Variants in EML4 observed in about 807,000 individuals in gnomAD.
EML4 encodes echinoderm microtubule-associated protein-like 4.
Under a neutral mutation model 129.0 loss-of-function variants are expected in EML4, and 72 were observed. That is an observed-to-expected ratio of 0.56 (90% CI 0.46 to 0.68). The LOEUF is 0.68. Ranked by LOEUF, EML4 falls within the 30% of genes least tolerant of loss-of-function variation. The pLI is 0.00. For missense variants in EML4, 1,363 were observed against 1,190.6 expected, an observed-to-expected ratio of 1.14 and a Z score of -2.13; for synonymous variants, 532 against 405.0, an observed-to-expected ratio of 1.31 and a Z score of -3.77.
chr2:42,254,855 A>G (rs1194982121), intron 2 of EML4, among the ~76,000 whole-genome samples: 3 of 152,204 alleles, frequency 2.0e-5, no homozygotes, highest in Admixed American at 1.3e-4. Flanking sequence ...TGGCAGCACT[A>G]TTCCCATTAG....
intron 1 of EML4, among the ~76,000 whole-genome samples, chr2:42,180,143 G>GTA (rs1351864335): frequency 2.6e-5 from 4 of 152,078 alleles, no homozygotes; most frequent in Non-Finnish European, 2.9e-5. Flanking sequence ...ATACTTCATA[G>GTA]TATGGCATTA....
chr2:42,226,690 TA>T (rs1673985793), intron 1 of EML4, among the ~76,000 whole-genome samples: 2 of 151,838 alleles, frequency 1.3e-5, no homozygotes. Context: ...ATAAATAAAA[TA>T]AATTACATAC....
intron 1 of EML4, among the ~76,000 whole-genome samples, chr2:42,200,153 C>CAAAAAAAAAAA (rs11421705): frequency 8.3e-5 from 7 of 84,410 alleles, no homozygotes; most frequent in South Asian, 4.6e-4. Context: ...ACTAAAAATA[C>CAAAAAAAAAAA]AAAAAAAAAA....
chr2:42,243,334 T>A (rs1675163823), intron 1 of EML4, among the ~76,000 whole-genome samples: 1 of 151,538 alleles, frequency 6.6e-6, no homozygotes, highest in Non-Finnish European at 1.5e-5. Flanking sequence ...TCAGCTAGAA[T>A]TCAGCTAGAC....
Position 42,332,323 on chromosome 2 carries a change from A to G in EML4, c.*2116A>G, listed in dbSNP as rs1451636023. On this transcript the variant is annotated 3_prime_UTR_variant, in exon 23 of 23. Transcript: ENST00000318522. ...CTAATACGCAGGAAGCGTTCCAGCT[A>G]TTTAATGCTGGCAACTACTGTTTAA... 4.7e-6 allele frequency: 1 copy of G among 210,834 alleles called. No homozygotes were observed. The highest frequency in any genetic ancestry group is 2.3e-5 in the African/African-American group (1 of 43,974). The allele number at this position is 210,834 out of a possible 1,614,324, so 13.1% of individuals were successfully genotyped here. A position where few individuals can be genotyped will look rare whatever the true frequency, so the allele number is the denominator to read the frequency against.
chr2:42,305,434 TCTC>T (rs1668540640), intron 17 of EML4, among the ~76,000 whole-genome samples: 1 of 152,288 alleles, frequency 6.6e-6, no homozygotes, highest in South Asian at 2.1e-4. Context: ...AGAAAATTTC[TCTC>T]CTCATCTTTT....
intron 21 of EML4, among the ~76,000 whole-genome samples, chr2:42,326,467 A>C (rs1050621400): frequency 1.1e-4 from 16 of 152,210 alleles, no homozygotes; most frequent in African/African-American, 3.6e-4. Flanking sequence ...TATGAAAGAC[A>C]AGGAATTTAC....
chr2:42,241,873 T>TGTG (rs1033165271), intron 1 of EML4, among the ~76,000 whole-genome samples: 2 of 131,538 alleles, frequency 1.5e-5, no homozygotes, highest in African/African-American at 6.6e-5. Flanking sequence ...TGTGTGTGTG[T>TGTG]CGGGGGGGGG....
intron 6 of EML4, among the ~76,000 whole-genome samples, chr2:42,272,168 G>T (rs1666409253): frequency 1.3e-5 from 2 of 151,410 alleles, no homozygotes; most frequent in South Asian, 4.2e-4. Context: ...TTTTCTAGAA[G>T]CACTTTGAAA....
rs149646348 is a variant in EML4 at position 42,302,781 on chromosome 2, G to A, written c.1642-323G>A. Among the ~76,000 whole-genome samples, 75 of 152,216 alleles carry A rather than the reference G, an allele frequency of 4.9e-4. No homozygotes were observed. The East Asian group carries it at 0.012, about 24-fold the overall frequency. On this transcript the variant is annotated intron_variant, in intron 14 of 22. Coordinates refer to ENST00000318522, the MANE Select transcript of EML4 (RefSeq NM_019063.5). The stretch of plus-strand genomic sequence containing the variant: ...ACTCCTGACCTCAGGTGATCCACCC[G>A]CATTGGCCTCCAAATGTGCTGGGAT...
intron 1 of EML4, among the ~76,000 whole-genome samples, chr2:42,215,179 C>T (rs1004764166): frequency 2.6e-5 from 4 of 152,134 alleles, no homozygotes; most frequent in Non-Finnish European, 5.9e-5. Flanking sequence ...CACACTGCAG[C>T]CCCCTAAGTA....
In EML4 at chr2:42,328,944, T is replaced by C. The variant is rs145458318; in HGVS notation, c.2400T>C (p.Asn800=). ...TDINALVRSH[N]RKVIAVADDF... is the part of the protein sequence containing the mutation. The stretch of plus-strand genomic sequence containing the variant: ...TCAATGCACTGGTGCGATCCCACAA[T>C]AGAAAGGTGATAGCTGTTGCCGATG... The change falls in exon 22 of 23, where the codon AAT becomes AAC. Residue 800 remains asparagine (N), a synonymous_variant. Transcript: ENST00000318522. The C allele has an allele frequency of 3.1e-6, 5 of 1,613,410 alleles. No individual in the cohort carries two copies. In the South Asian group the frequency reaches 3.3e-5, roughly 11 times the overall value.
intron 7 of EML4, among the ~76,000 whole-genome samples, chr2:42,281,630 C>T (rs894585908): frequency 1.3e-5 from 2 of 152,134 alleles, no homozygotes; most frequent in African/African-American, 2.4e-5. Context: ...AATTAATAAC[C>T]CATACCTCAC....
intron 11 of EML4, among the ~76,000 whole-genome samples, chr2:42,292,222 T>C (rs1236049398): frequency 6.6e-6 from 1 of 152,238 alleles, no homozygotes; most frequent in Non-Finnish European, 1.5e-5. Context: ...ATTTAGTGAA[T>C]TTCAGAAAAC....
At chr2:42,260,481 T>C (rs1665662746) in intron 3 of EML4, among the ~76,000 whole-genome samples, 1 of 152,254 alleles carries the variant, frequency 6.6e-6, no homozygotes, top group East Asian at 1.9e-4. Flanking sequence ...TGTGATTTTT[T>C]AAATTGTGTC....
At chr2:42,278,149 T>A (rs1666762189) in intron 6 of EML4, among the ~76,000 whole-genome samples, 1 of 152,224 alleles carries the variant, frequency 6.6e-6, no homozygotes. Flanking sequence ...GTCTCCCCTT[T>A]AGCTCCTTTT....
At chr2:42,170,275 A>G (rs1670191114) in intron 1 of EML4, 2 of 152,350 alleles carry the variant, frequency 1.3e-5, no homozygotes, top group Non-Finnish European at 1.5e-5. Context: ...GCATCGGAGC[A>G]TCATTTGCTT....
At chr2:42,225,785 G>C (rs1334949233) in intron 1 of EML4, among the ~76,000 whole-genome samples, 2 of 151,646 alleles carry the variant, frequency 1.3e-5, no homozygotes, top group African/African-American at 2.4e-5. Context: ...TTTTTTTATT[G>C]CTTTATAGGC....
At chr2:42,225,152 A>C (rs559579108) in intron 1 of EML4, among the ~76,000 whole-genome samples, 1 of 152,184 alleles carries the variant, frequency 6.6e-6, no homozygotes, top group Admixed American at 6.5e-5. Context: ...TTATCCATTC[A>C]TGTGTTTATG....
Sources: allele counts gnomAD v4.1 joint callset (sites outside exome capture counted in the v4.1 genomes callset), GRCh38; gene constraint gnomAD v4.1.1; transcripts MANE v1.5; gene names NCBI Gene and HGNC (gene_info 2026-07-23, HGNC 2026-07-21).